Variants in ANKIB1 observed in about 807,000 individuals in gnomAD.
The protein encoded by ANKIB1 is ankyrin repeat and IBR domain containing 1.
In ANKIB1, 43 loss-of-function variants were observed where a neutral mutation model predicts 122.1. The observed-to-expected ratio is 0.35, with a 90% confidence interval of 0.28 to 0.45. The LOEUF (loss-of-function observed/expected upper bound fraction) is 0.45. Ranked by LOEUF, ANKIB1 falls within the 20% of genes least tolerant of loss-of-function variation. The pLI is 1.00. For synonymous variants in ANKIB1, 390 were observed against 442.0 expected, an observed-to-expected ratio of 0.88 and a Z score of 1.48; for missense variants, 992 against 1,329.5, an observed-to-expected ratio of 0.75 and a Z score of 3.95.
At chr7:92,338,770 G>A (rs1044673219) in intron 5 of ANKIB1, among the ~76,000 whole-genome samples, 9 of 149,936 alleles carry the variant, frequency 6.0e-5, no homozygotes, top group Middle Eastern at 3.2e-3. Context: ...AAATTAGCTG[G>A]GCGTGGTGGT....
intron 10 of ANKIB1, among the ~76,000 whole-genome samples, chr7:92,368,582 G>A (rs1804154486): frequency 6.6e-6 from 1 of 152,128 alleles, no homozygotes; most frequent in African/African-American, 2.4e-5. Context: ...TTAGCCAGGT[G>A]TGGTGGCGGG....
intron 5 of ANKIB1, among the ~76,000 whole-genome samples, chr7:92,338,121 A>G (rs1003326844): frequency 1.3e-5 from 2 of 152,162 alleles, no homozygotes; most frequent in Admixed American, 1.3e-4. Flanking sequence ...CATAAAAAAG[A>G]TTATTAAGGC....
intron 2 of ANKIB1, among the ~76,000 whole-genome samples, chr7:92,303,548 T>C (rs1802495437): frequency 6.6e-6 from 1 of 152,052 alleles, no homozygotes; most frequent in Non-Finnish European, 1.5e-5. Flanking sequence ...AAGAAGACAG[T>C]GTGTATGGAG....
intron 11 of ANKIB1, among the ~76,000 whole-genome samples, chr7:92,380,123 C>T (rs193063391): frequency 1.3e-5 from 2 of 152,350 alleles, no homozygotes; most frequent in Middle Eastern, 3.4e-3. Flanking sequence ...AGGTCCCACA[C>T]CCACAGAGCC....
intron 1 of ANKIB1, among the ~76,000 whole-genome samples, chr7:92,251,488 A>G (rs1333301096): frequency 6.6e-6 from 1 of 152,212 alleles, no homozygotes; most frequent in Non-Finnish European, 1.5e-5. Context: ...CTTTATTTTC[A>G]GATGAAAAAA....
At chr7:92,356,085 G>A (rs1379675872) in intron 9 of ANKIB1, among the ~76,000 whole-genome samples, 1 of 152,042 alleles carries the variant, frequency 6.6e-6, no homozygotes, top group African/African-American at 2.4e-5. Context: ...TTCAAGTTTG[G>A]AGAAAAGTCT....
intron 2 of ANKIB1, among the ~76,000 whole-genome samples, chr7:92,297,851 GT>G (rs1802387869): frequency 6.6e-6 from 1 of 151,980 alleles, no homozygotes; most frequent in South Asian, 2.1e-4. Context: ...CTATTCTCTT[GT>G]TACTTTCTAA....
intron 5 of ANKIB1, among the ~76,000 whole-genome samples, chr7:92,329,190 A>G (rs1180668537): frequency 6.6e-6 from 1 of 151,744 alleles, no homozygotes; most frequent in Non-Finnish European, 1.5e-5. Context: ...CTGGTCTCTA[A>G]CTCCCAATCT....
At chr7:92,350,057 A>T (rs961821186) in intron 7 of ANKIB1, among the ~76,000 whole-genome samples, 1 of 151,924 alleles carries the variant, frequency 6.6e-6, no homozygotes, top group African/African-American at 2.4e-5. Context: ...CCTGCTTTTA[A>T]TCTAACCTTG....
chr7:92,363,714 T>C (rs2115609706), intron 10 of ANKIB1, among the ~76,000 whole-genome samples: 1 of 152,358 alleles, frequency 6.6e-6, no homozygotes, highest in South Asian at 2.1e-4. Context: ...CTGGCGGCCA[T>C]GATACTTTAC....
chr7:92,287,829 A>G (rs1802164004), intron 1 of ANKIB1, among the ~76,000 whole-genome samples: 1 of 152,064 alleles, frequency 6.6e-6, no homozygotes, highest in South Asian at 2.1e-4. Context: ...AGGTCAAGAG[A>G]TCGAGACCAT....
At chr7:92,394,300 T>C (rs1420208206) in intron 17 of ANKIB1, among the ~76,000 whole-genome samples, 1 of 152,208 alleles carries the variant, frequency 6.6e-6, no homozygotes, top group East Asian at 1.9e-4. Flanking sequence ...CTTTTCTGTA[T>C]CCTTAACATT....
At chr7:92,342,906 T>C in intron 5 of ANKIB1, 118 bp from the exon 6 acceptor site, 2 of 796,566 alleles carry the variant, frequency 2.5e-6, no homozygotes, top group South Asian at 3.2e-5. Context: ...ACTACTTTTA[T>C]ATACTTTTTT....
chr7:92,312,191 T>G (rs1321407711), intron 3 of ANKIB1, among the ~76,000 whole-genome samples: 1 of 152,168 alleles, frequency 6.6e-6, no homozygotes, highest in Non-Finnish European at 1.5e-5. Context: ...TGCTTTATGT[T>G]GAATCCTCAT....
intron 1 of ANKIB1, among the ~76,000 whole-genome samples, chr7:92,254,071 A>G (rs1801386845): frequency 6.6e-6 from 1 of 152,202 alleles, no homozygotes; most frequent in Non-Finnish European, 1.5e-5. Context: ...TGTGTCTTGC[A>G]GGAGAACCAA....
intron 4 of ANKIB1, among the ~76,000 whole-genome samples, chr7:92,322,661 A>G (rs1350979076): frequency 6.6e-6 from 1 of 152,184 alleles, no homozygotes; most frequent in Non-Finnish European, 1.5e-5. Context: ...TATTTTTTCA[A>G]CTTAACAATA....
At chr7:92,338,360 G>A (rs934627375) in intron 5 of ANKIB1, among the ~76,000 whole-genome samples, 2 of 151,890 alleles carry the variant, frequency 1.3e-5, no homozygotes, top group Non-Finnish European at 2.9e-5. Context: ...CAAGGCTGCA[G>A]TGAGCCATTG....
chr7:92,299,401 G>A (rs1183194281), intron 2 of ANKIB1, among the ~76,000 whole-genome samples: 1 of 152,156 alleles, frequency 6.6e-6, no homozygotes, highest in Non-Finnish European at 1.5e-5. Context: ...TAATGTAACA[G>A]TACAAAAAGG....
intron 1 of ANKIB1, among the ~76,000 whole-genome samples, chr7:92,247,884 T>G (rs1002157890): frequency 3.9e-5 from 6 of 152,238 alleles, no homozygotes; most frequent in African/African-American, 1.4e-4. Context: ...TTTAATGACT[T>G]TTCCCCCCAA....
Sources: allele counts gnomAD v4.1 joint callset (sites outside exome capture counted in the v4.1 genomes callset), GRCh38; gene constraint gnomAD v4.1.1; transcripts MANE v1.5; gene names NCBI Gene and HGNC (gene_info 2026-07-23, HGNC 2026-07-21).